GUCY1A1: variants seen among roughly 807,000 people sequenced by gnomAD.
The protein encoded by GUCY1A1 is guanylate cyclase soluble subunit alpha-1.
A neutral mutation model predicts 64.5 loss-of-function variants in GUCY1A1; 48 were observed. The ratio of observed to expected loss-of-function variants is 0.74; its 90% CI spans 0.59 to 0.95. The LOEUF is 0.95. Ranked by LOEUF, GUCY1A1 falls within the 40% of genes least tolerant of loss-of-function variation. The probability of loss-of-function intolerance (pLI) is 0.00; values close to 1 mark genes in which losing one functional copy is unlikely to be tolerated. For missense variants in GUCY1A1, 804 were observed against 825.3 expected (o/e 0.97, Z 0.32); for synonymous variants, 308 against 303.4 (o/e 1.02, Z -0.16).
rs1355836567 is a variant in GUCY1A1, at chr4:155,735,821, G to T, written c.*5590G>T. 1 of 151,962 alleles carries T rather than the reference G, an allele frequency of 6.6e-6. No individual in the cohort carries two copies. The highest frequency in any genetic ancestry group is 2.4e-5 in the African/African-American group (1 of 41,408). The allele number at this position is 151,962 out of a possible 1,614,324, so 9.4% of individuals were successfully genotyped here. On this transcript the variant is annotated 3_prime_UTR_variant, in exon 10 of 10. Coordinates refer to ENST00000506455, the MANE Select transcript of GUCY1A1 (RefSeq NM_001130682.3). ...GTATTATACACCTGGAACAAGAGCA[G>T]CAAAACTGAAGCTCTTTGGAAAGTT...
chr4:155,686,888 A>C (rs369403599), intron 2 of GUCY1A1, among the ~76,000 whole-genome samples: 84 of 152,340 alleles, frequency 5.5e-4, no homozygotes, highest in African/African-American at 1.9e-3. Context: ...CCAAAATAGA[A>C]TCTTTCTGCT....
Position 155,696,811 on chromosome 4 carries a change from T to G in GUCY1A1, c.-57T>G. On this transcript the variant is annotated 5_prime_UTR_variant, in exon 3 of 10. Transcript: ENST00000506455. ...TAGTGGCTTCTGTTTGTCAGTCTCA[T>G]ATAAGAACTACAGCTCATCAGGAGG... 7 of 1,542,490 alleles carry G rather than the reference T, an allele frequency of 4.5e-6. No individual in the cohort carries two copies. The highest frequency in any genetic ancestry group is 1.7e-4 in the Middle Eastern group (1 of 5,830).
rs144799002 is a variant in GUCY1A1, at chr4:155,717,036, C to A, written c.1573-123C>A. 106 of 665,046 alleles carry A rather than the reference C, an allele frequency of 1.6e-4. No individual in the cohort carries two copies. The East Asian group carries it at 3.0e-3, about 19-fold the overall frequency. 41.2% of individuals were successfully genotyped at this position (665,046 alleles called of 1,614,324 possible). A position where few individuals can be genotyped will look rare whatever the true frequency, so the allele number is the denominator to read the frequency against. ...CCATTTCTGGGCGTATCTGATTAACCCTGATCCTCCAGAAGGCCTGAGCAA... is the reference window on the plus strand; with the variant it reads ...CCATTTCTGGGCGTATCTGATTAACACTGATCCTCCAGAAGGCCTGAGCAA... On this transcript the variant is annotated intron_variant, in intron 7 of 9. Coordinates refer to ENST00000506455, the MANE Select transcript of GUCY1A1 (RefSeq NM_001130682.3).
intron 7 of GUCY1A1, among the ~76,000 whole-genome samples, chr4:155,715,140 T>G (rs1369573941): frequency 6.6e-6 from 1 of 151,864 alleles, no homozygotes; most frequent in East Asian, 1.9e-4. Context: ...TGTAACTAGA[T>G]AGTAAATTAC....
At chr4:155,713,995 C>T (rs925789916) in intron 7 of GUCY1A1, among the ~76,000 whole-genome samples, 1 of 152,090 alleles carries the variant, frequency 6.6e-6, no homozygotes, top group Non-Finnish European at 1.5e-5. Flanking sequence ...AAACATTATC[C>T]TTTGTATCTG....
intron 2 of GUCY1A1, among the ~76,000 whole-genome samples, chr4:155,679,124 G>A (rs1735340245): frequency 6.6e-6 from 1 of 151,552 alleles, no homozygotes; most frequent in South Asian, 2.1e-4. Flanking sequence ...CTTTTGAAGA[G>A]CCAAAGTATT....
At chr4:155,691,025 A>C (rs1729669459) in intron 2 of GUCY1A1, among the ~76,000 whole-genome samples, 1 of 152,244 alleles carries the variant, frequency 6.6e-6, no homozygotes, top group East Asian at 1.9e-4. Context: ...AAGAAAATGC[A>C]GATGAATGGA....
chr4:155,668,001 A>G (rs1182143744), intron 2 of GUCY1A1: 4 of 152,268 alleles, frequency 2.6e-5, no homozygotes, highest in African/African-American at 9.6e-5. Flanking sequence ...GCAGCCGGCT[A>G]ACTGCCCAGC....
intron 6 of GUCY1A1, among the ~76,000 whole-genome samples, chr4:155,712,074 A>G (rs1397430793): frequency 6.6e-6 from 1 of 152,156 alleles, no homozygotes; most frequent in Non-Finnish European, 1.5e-5. Flanking sequence ...GTCATTAGAT[A>G]TAGGTCTATT....
intron 2 of GUCY1A1, among the ~76,000 whole-genome samples, chr4:155,686,513 G>A (rs1729023909): frequency 6.6e-6 from 1 of 152,200 alleles, no homozygotes; most frequent in Non-Finnish European, 1.5e-5. Flanking sequence ...TCCATATTTA[G>A]AAGAACAGTT....
intron 8 of GUCY1A1, among the ~76,000 whole-genome samples, chr4:155,721,284 A>T (rs1476968109): frequency 6.6e-6 from 1 of 152,010 alleles, no homozygotes; most frequent in Non-Finnish European, 1.5e-5. Context: ...ATAAAATAAA[A>T]CATTCTGTCT....
rs1330659451 is a variant in GUCY1A1 at position 155,734,076 on chromosome 4, T to C, written c.*3845T>C. On this transcript the variant is annotated 3_prime_UTR_variant, in exon 10 of 10. Transcript: ENST00000506455. ...TTTCTTCCAAATTTCTTCTCCCTGA[T>C]ATTTCCAGCCACGCCAAGGCAAAGA... Among the ~76,000 whole-genome samples, 2 of 151,900 alleles carry C rather than the reference T, an allele frequency of 1.3e-5. No individual in the cohort carries two copies. The highest frequency in any genetic ancestry group is 2.9e-5 in the Non-Finnish European group (2 of 67,916).
intron 9 of GUCY1A1, chr4:155,722,451 T>A: frequency 7.8e-7 from 1 of 1,275,794 alleles, no homozygotes; most frequent in Non-Finnish European, 9.9e-7. Flanking sequence ...ATTCTTCTTT[T>A]AGAAGCACAT....
intron 3 of GUCY1A1, among the ~76,000 whole-genome samples, chr4:155,701,380 T>C (rs566657848): frequency 2.6e-5 from 4 of 151,958 alleles, no homozygotes; most frequent in Non-Finnish European, 5.9e-5. Flanking sequence ...ACCTTAGCAA[T>C]TGGAAGGGGA....
In GUCY1A1 at chr4:155,713,553, C is replaced by T. The variant is rs2126877728; in HGVS notation, c.1542C>T (p.Asp514=). 6.2e-7 allele frequency: 1 copy of T among 1,613,722 alleles called. No individual in the cohort carries two copies. Among genetic ancestry groups the T allele is most frequent in the South Asian group, 1.1e-5 (1 of 91,076 alleles). The change falls in exon 7 of 10, where the codon GAC becomes GAT. Residue 514 remains aspartate, a synonymous_variant. Coordinates refer to ENST00000506455, the MANE Select transcript of GUCY1A1 (RefSeq NM_001130682.3). The stretch of plus-strand genomic sequence containing the variant: ...TCAATGCACTGTACACTCGCTTCGA[C>T]CAGCAGTGTGGAGAGCTGGATGTCT... The part of the protein sequence containing the change: ...TMLNALYTRF[D]QQCGELDVYK...
At chr4:155,711,739 G>C (rs899546271) in intron 6 of GUCY1A1, among the ~76,000 whole-genome samples, 1 of 152,150 alleles carries the variant, frequency 6.6e-6, no homozygotes, top group African/African-American at 2.4e-5. Flanking sequence ...ATGGTAGAGA[G>C]CTTTGGTAAT....
chr4:155,717,862 G>A (rs988898576), intron 8 of GUCY1A1, among the ~76,000 whole-genome samples: 1 of 152,136 alleles, frequency 6.6e-6, no homozygotes, highest in African/African-American at 2.4e-5. Context: ...TGTGCCTGCC[G>A]AATCTCATGC....
chr4:155,720,422 A>G (rs1733827325), intron 8 of GUCY1A1, among the ~76,000 whole-genome samples: 1 of 152,082 alleles, frequency 6.6e-6, no homozygotes, highest in African/African-American at 2.4e-5. Flanking sequence ...AAAGAGACAA[A>G]GCCAGATATA....
intron 5 of GUCY1A1, among the ~76,000 whole-genome samples, chr4:155,710,295 G>A (rs1158000657): frequency 6.6e-6 from 1 of 152,092 alleles, no homozygotes; most frequent in Admixed American, 6.5e-5. Flanking sequence ...AAAAAGTTGT[G>A]TATTATACTC....
Sources: allele counts gnomAD v4.1 joint callset (sites outside exome capture counted in the v4.1 genomes callset), GRCh38; gene constraint gnomAD v4.1.1; transcripts MANE v1.5; gene names NCBI Gene and HGNC (gene_info 2026-07-23, HGNC 2026-07-21).